ZPBP: variants seen among roughly 807,000 people sequenced by gnomAD.
ZPBP encodes zona pellucida-binding protein 1.
In ZPBP, 26 loss-of-function variants were observed where a neutral mutation model predicts 44.8. The ratio of observed to expected loss-of-function variants is 0.58; its 90% CI spans 0.43 to 0.81. ZPBP has a LOEUF of 0.81. ZPBP is among the 30% of genes least tolerant of loss of function. ZPBP has a pLI of 0.00. For synonymous variants in ZPBP, 174 were observed against 153.2 expected, an observed-to-expected ratio of 1.14 and a Z score of -1.00; for missense variants, 409 against 434.0, an observed-to-expected ratio of 0.94 and a Z score of 0.51.
intron 3 of ZPBP, among the ~76,000 whole-genome samples, chr7:50,070,009 C>T (rs959782610): frequency 3.9e-5 from 6 of 152,086 alleles, no homozygotes; most frequent in Non-Finnish European, 7.4e-5. Context: ...CTCCCTTGCC[C>T]CAGGACTCCT....
chr7:50,060,383 T>C (rs1801184192), intron 3 of ZPBP, among the ~76,000 whole-genome samples: 1 of 151,922 alleles, frequency 6.6e-6, no homozygotes. Flanking sequence ...GCTGGTTTTC[T>C]GAAAGAACAC....
At position 50,090,218 on chromosome 7, in the gene ZPBP, T is replaced by G. The variant is rs1290590248; in HGVS notation, c.128-509A>C. ...ATCACATAATAAACACTAAACCCAA[T>G]TTGTAGTCTTTTATCCCTCACCCCC... On this transcript the variant is annotated intron_variant, in intron 1 of 7. Coordinates refer to ENST00000046087, the MANE Select transcript of ZPBP (RefSeq NM_007009.3). Among the ~76,000 whole-genome samples the G allele has an allele frequency of 2.6e-5, 4 of 152,092 alleles. No individual in the cohort carries two copies. In the East Asian group the frequency reaches 7.7e-4, roughly 29 times the overall value.
chr7:49,981,405 A>G (rs998806240), intron 7 of ZPBP, among the ~76,000 whole-genome samples: 1 of 46,118 alleles, frequency 2.2e-5, no homozygotes, highest in Non-Finnish European at 4.0e-5. Flanking sequence ...TTATATATAA[A>G]ATATATATAA....
intron 6 of ZPBP, among the ~76,000 whole-genome samples, chr7:49,995,754 G>A (rs543122362): frequency 1.2e-4 from 19 of 152,226 alleles, no homozygotes; most frequent in Non-Finnish European, 2.4e-4. Context: ...ATTATGTTAC[G>A]TGAAACAAGC....
chr7:49,922,481 A>T (rs1009417165), intron 1 of ZPBP, among the ~76,000 whole-genome samples: 1 of 152,222 alleles, frequency 6.6e-6, no homozygotes, highest in African/African-American at 2.4e-5. Flanking sequence ...TGCCAAGGGC[A>T]ACTGGAAAAT....
At chr7:49,859,234 G>A (rs1211458387) in intron 2 of ZPBP, among the ~76,000 whole-genome samples, 1 of 152,168 alleles carries the variant, frequency 6.6e-6, no homozygotes, top group Non-Finnish European at 1.5e-5. Flanking sequence ...GATATCTTGA[G>A]TTACCATTTG....
intron 7 of ZPBP, among the ~76,000 whole-genome samples, chr7:49,980,530 A>C (rs1796803324): frequency 6.6e-6 from 1 of 151,700 alleles, no homozygotes; most frequent in Non-Finnish European, 1.5e-5. Context: ...GAGACTGGGC[A>C]TTCGGTGAGG....
At chr7:50,080,209 A>G (rs1460113743) in intron 3 of ZPBP, among the ~76,000 whole-genome samples, 1 of 151,742 alleles carries the variant, frequency 6.6e-6, no homozygotes, top group Non-Finnish European at 1.5e-5. Context: ...CCTTTCTGAA[A>G]TAAAAAGTAT....
intron 7 of ZPBP, among the ~76,000 whole-genome samples, chr7:49,946,170 G>T (rs1220010785): frequency 6.6e-6 from 1 of 151,974 alleles, no homozygotes; most frequent in Non-Finnish European, 1.5e-5. Flanking sequence ...AGTATACAGT[G>T]TTGTGAAAAG....
chr7:49,912,565 T>G (rs1164863211), intron 1 of ZPBP: 4 of 161,770 alleles, frequency 2.5e-5, no homozygotes, highest in Non-Finnish European at 5.4e-5. Context: ...CTGCATATCT[T>G]TTTCAGTTCT....
intron 4 of ZPBP, among the ~76,000 whole-genome samples, chr7:50,055,823 CA>C (rs1800913639): frequency 6.6e-6 from 1 of 152,142 alleles, no homozygotes; most frequent in South Asian, 2.1e-4. Flanking sequence ...GGCACTTTTA[CA>C]TTTGTTAGCA....
chr7:49,995,127 A>T (rs562485181), intron 6 of ZPBP, among the ~76,000 whole-genome samples: 32 of 152,224 alleles, frequency 2.1e-4, no homozygotes, highest in African/African-American at 6.8e-4. Context: ...CACATAAAAT[A>T]TCTTATCAAT....
chr7:49,978,348 A>T (rs1796624820), intron 7 of ZPBP, among the ~76,000 whole-genome samples: 1 of 151,968 alleles, frequency 6.6e-6, no homozygotes, highest in South Asian at 2.1e-4. Context: ...GTACATTATA[A>T]GGAATGGTAA....
chr7:49,953,659 A>C (rs1268765149), intron 7 of ZPBP, among the ~76,000 whole-genome samples: 1 of 152,148 alleles, frequency 6.6e-6, no homozygotes, highest in East Asian at 1.9e-4. Flanking sequence ...AATAAGGCAA[A>C]ATTCACAATG....
the ZPBP span, among the ~76,000 whole-genome samples, chr7:49,841,614 A>C: frequency 6.6e-6 from 1 of 152,166 alleles, no homozygotes; most frequent in Non-Finnish European, 1.5e-5. Flanking sequence ...TTTCCCTCAG[A>C]CCTTCCGGGA....
intron 6 of ZPBP, among the ~76,000 whole-genome samples, chr7:49,998,985 A>T (rs1797981327): frequency 6.6e-6 from 1 of 152,070 alleles, no homozygotes; most frequent in Non-Finnish European, 1.5e-5. Context: ...AAATTTTTTG[A>T]GTCCTGGCAA....
chr7:49,982,861 A>G (rs191056370), intron 7 of ZPBP, among the ~76,000 whole-genome samples: 1 of 152,088 alleles, frequency 6.6e-6, no homozygotes, highest in Admixed American at 6.6e-5. Context: ...GATGAAAAAG[A>G]AAGAATGAAT....
At chr7:49,950,411 C>G (rs987558730) in intron 7 of ZPBP, among the ~76,000 whole-genome samples, 2 of 151,832 alleles carry the variant, frequency 1.3e-5, no homozygotes, top group East Asian at 1.9e-4. Context: ...AAATCTCAAC[C>G]ATGACAATTT....
intron 1 of ZPBP, among the ~76,000 whole-genome samples, chr7:49,905,238 A>G (rs974864255): frequency 2.2e-4 from 33 of 152,314 alleles, no homozygotes; most frequent in Admixed American, 1.3e-3. Context: ...ATGATGTATT[A>G]GGAAAAGGGG....
Sources: gnomAD v4.1 joint callset for allele counts (sites outside exome capture counted in the v4.1 genomes callset) on GRCh38, gnomAD v4.1.1 for gene constraint, MANE v1.5 for transcripts, NCBI Gene and HGNC (gene_info 2026-07-23, HGNC 2026-07-21) for gene names.